PCDHA8: variants seen among roughly 807,000 people sequenced by gnomAD.
PCDHA8 encodes the protein protocadherin alpha-8.
In PCDHA8, 53 loss-of-function variants were observed where a neutral mutation model predicts 61.8. The observed-to-expected ratio is 0.86, with a 90% CI of 0.69 to 1.08. The LOEUF (loss-of-function observed/expected upper bound fraction) is 1.08. Ranked by LOEUF, PCDHA8 falls within the 50% of genes least tolerant of loss-of-function variation. The probability of loss-of-function intolerance (pLI) is 0.00; values close to 1 mark genes in which losing one functional copy is unlikely to be tolerated. For missense variants in PCDHA8, 1,293 were observed against 1,245.0 expected (o/e 1.04, Z -0.58); for synonymous variants, 618 against 556.6 (o/e 1.11, Z -1.55).
At position 140,914,538 on chromosome 5, in the gene PCDHA8, T is replaced by C. The variant is rs1393710886; in HGVS notation, c.2395-64411T>C. ...TTTTTTCATCCATTCAGCCACTTTA[T>C]TTCTTTTTATTGGAGAGTTTAGTCC... is the stretch of plus-strand genomic sequence containing the variant. On this transcript the variant is annotated intron_variant, in intron 1 of 3. Transcript: ENST00000531613. 2.0e-5 allele frequency among the ~76,000 whole-genome samples: 3 copies of C among 152,198 alleles called. No individual in the cohort carries two copies. The East Asian group carries it at 5.8e-4, about 29-fold the overall frequency.
chr5:140,912,381 A>G (rs1554195316), intron 1 of PCDHA8, among the ~76,000 whole-genome samples: 2 of 150,140 alleles, frequency 1.3e-5, no homozygotes, highest in African/African-American at 4.9e-5. Context: ...AAAGGGATTG[A>G]GTTCTTAATT....
chr5:140,900,840 T>A (rs6874218), intron 1 of PCDHA8, among the ~76,000 whole-genome samples: 3 of 151,950 alleles, frequency 2.0e-5, no homozygotes, highest in Non-Finnish European at 4.4e-5. Context: ...ATGTACAAAG[T>A]TTCCCTTTTT....
In PCDHA8 at chr5:140,961,136, G is replaced by A. The variant is rs1474839905; in HGVS notation, c.2395-17813G>A. On this transcript the variant is annotated intron_variant, in intron 1 of 3. Coordinates refer to ENST00000531613, the MANE Select transcript of PCDHA8 (RefSeq NM_018911.3). ...TGCATCTTAATGTCTTGGCACTTAA[G>A]AGTTGGCATATTATTTCAGTACATA... is the stretch of plus-strand genomic sequence containing the variant. Among the ~76,000 whole-genome samples the A allele has an allele frequency of 3.9e-5, 6 of 152,270 alleles. No homozygotes were observed. The East Asian group carries it at 1.2e-3, about 29-fold the overall frequency.
At chr5:140,953,948 C>T (rs1012464637) in intron 1 of PCDHA8, among the ~76,000 whole-genome samples, 1 of 152,092 alleles carries the variant, frequency 6.6e-6, no homozygotes, top group Non-Finnish European at 1.5e-5. Flanking sequence ...CATTGCTCCC[C>T]CAACAGGCCC....
chr5:140,914,639 G>C (rs1348153716), intron 1 of PCDHA8, among the ~76,000 whole-genome samples: 5 of 151,890 alleles, frequency 3.3e-5, no homozygotes, highest in Admixed American at 3.3e-4. Context: ...TGGTTTCATG[G>C]TCATCTCTCC....
At chr5:140,864,365 AT>A (rs1190318637) in intron 1 of PCDHA8, 4 of 152,220 alleles carry the variant, frequency 2.6e-5, no homozygotes, top group Non-Finnish European at 5.9e-5. Flanking sequence ...TTATCTTTCT[AT>A]AATCGATAAG....
chr5:140,925,612 G>A (rs895763627), intron 1 of PCDHA8, among the ~76,000 whole-genome samples: 2 of 150,356 alleles, frequency 1.3e-5, no homozygotes, highest in Non-Finnish European at 3.0e-5. Flanking sequence ...AAACCTGCAC[G>A]TTGTGCACAT....
rs1554150162 is a variant in PCDHA8 at position 140,857,521 on chromosome 5, C to T, written c.2394+13806C>T. 5 of 1,598,106 alleles carry T rather than the reference C, an allele frequency of 3.1e-6. 1 individual carries two copies. In the South Asian group the frequency reaches 4.4e-5, roughly 14 times the overall value. On this transcript the variant is annotated intron_variant, in intron 1 of 3. Coordinates refer to ENST00000531613, the MANE Select transcript of PCDHA8 (RefSeq NM_018911.3). Reference sequence around the variant, plus strand: ...CGCAGGAGAACGCCCTGGTGTCCTACTCTCTGGTGGAGCGGCGGTTGGGCG... The same window carrying T: ...CGCAGGAGAACGCCCTGGTGTCCTATTCTCTGGTGGAGCGGCGGTTGGGCG...
intron 1 of PCDHA8, among the ~76,000 whole-genome samples, chr5:140,898,597 G>T (rs1452719602): frequency 6.6e-6 from 1 of 152,186 alleles, no homozygotes; most frequent in Non-Finnish European, 1.5e-5. Context: ...CTGTAGCCTT[G>T]TAGTATAGTT....
intron 1 of PCDHA8, chr5:140,849,585 C>G (rs147876741): frequency 6.3e-7 from 1 of 1,598,624 alleles, no homozygotes; most frequent in African/African-American, 1.3e-5. Flanking sequence ...AGAGGACGCA[C>G]AACTGGGGAC....
At chr5:140,894,259 T>A (rs2064392118) in intron 1 of PCDHA8, among the ~76,000 whole-genome samples, 1 of 152,106 alleles carries the variant, frequency 6.6e-6, no homozygotes. Context: ...TCTTTACAAG[T>A]GGTAGCTTAT....
At chr5:140,931,662 T>C (rs905670675) in intron 1 of PCDHA8, among the ~76,000 whole-genome samples, 2 of 152,028 alleles carry the variant, frequency 1.3e-5, no homozygotes, top group Non-Finnish European at 2.9e-5. Context: ...GTGGGCTGGA[T>C]ATTTCCTTAT....
At chr5:140,992,457 A>G (rs2097512834) in intron 3 of PCDHA8, among the ~76,000 whole-genome samples, 1 of 152,136 alleles carries the variant, frequency 6.6e-6, no homozygotes, top group Non-Finnish European at 1.5e-5. Context: ...GCAGCAGAGG[A>G]CAGTACTCTT....
At position 140,912,741 on chromosome 5, in the gene PCDHA8, C is replaced by T. The variant is rs371215646; in HGVS notation, c.2395-66208C>T. Among the ~76,000 whole-genome samples the T allele has an allele frequency of 2.1e-3, 323 of 152,182 alleles. 1 individual carries two copies. Among genetic ancestry groups the T allele is most frequent in the African/African-American group, 7.6e-3 (315 of 41,526 alleles). ...ATTCAATATGATGTTGGCTGTGGGT[C>T]TGTCATAGATGGCTTTTATTACTTT... On this transcript the variant is annotated intron_variant, in intron 1 of 3. Transcript: ENST00000531613.
rs1006692100 is a variant in PCDHA8 at position 140,968,013 on chromosome 5, G to A, written c.2395-10936G>A. Reference sequence around the variant, plus strand: ...CTGCCTTTCCGACTGAATGGCTTTGGAAACTCCTATACACTGGTGGTGAGC... The same window carrying A: ...CTGCCTTTCCGACTGAATGGCTTTGAAAACTCCTATACACTGGTGGTGAGC... On this transcript the variant is annotated intron_variant, in intron 1 of 3. Coordinates refer to ENST00000531613, the MANE Select transcript of PCDHA8 (RefSeq NM_018911.3). 2.5e-6 allele frequency: 4 copies of A among 1,614,066 alleles called. No individual in the cohort carries two copies. The African/African-American group carries it at 4.0e-5, about 16-fold the overall frequency.
In PCDHA8 at chr5:140,846,169, C is replaced by A. The variant is rs2150385280; in HGVS notation, c.2394+2454C>A. On this transcript the variant is annotated intron_variant, in intron 1 of 3. Coordinates refer to ENST00000531613, the MANE Select transcript of PCDHA8 (RefSeq NM_018911.3). ...AAAGTTGCCTGAGATCCTGCAGAGG[C>A]CTGAGTAGGCGTTTGAGTTCTTTGT... Among the ~76,000 whole-genome samples the A allele has an allele frequency of 6.7e-5, 10 of 149,346 alleles. 2 individuals carry two copies. Among genetic ancestry groups the A allele is most frequent in the Admixed American group, 1.3e-4 (2 of 14,894 alleles).
chr5:140,904,828 A>G (rs1196362639), intron 1 of PCDHA8, among the ~76,000 whole-genome samples: 7 of 151,794 alleles, frequency 4.6e-5, no homozygotes, highest in African/African-American at 1.7e-4. Flanking sequence ...GCATTTTTTT[A>G]TATGTTTCAT....
intron 1 of PCDHA8, chr5:140,860,193 A>T (rs1054138940): frequency 6.9e-6 from 1 of 145,758 alleles, no homozygotes; most frequent in Non-Finnish European, 1.5e-5. Context: ...CTCTCCTTAC[A>T]TATATATCTA....
chr5:140,903,491 G>T (rs1253397353), intron 1 of PCDHA8, among the ~76,000 whole-genome samples: 4 of 152,094 alleles, frequency 2.6e-5, no homozygotes, highest in African/African-American at 9.7e-5. Flanking sequence ...GTTCTGAGCA[G>T]GTACCATAGA....
Sources: gnomAD v4.1 joint callset for allele counts (sites outside exome capture counted in the v4.1 genomes callset) on GRCh38, gnomAD v4.1.1 for gene constraint, MANE v1.5 for transcripts, NCBI Gene and HGNC (gene_info 2026-07-23, HGNC 2026-07-21) for gene names.